The following UTRN variants were observed in gnomAD, a reference collection of about 807,000 sequenced individuals.
UTRN encodes dystrophin-related protein 1.
A neutral mutation model predicts 463.9 loss-of-function variants in UTRN; 283 were observed. That is an observed-to-expected ratio of 0.61 (90% CI 0.55 to 0.67). The LOEUF (loss-of-function observed/expected upper bound fraction) is 0.67, where lower values mean the gene tolerates loss of function less well. Among genes scored for constraint, UTRN ranks in the 30% least tolerant of loss-of-function variants. The pLI, the probability that UTRN is intolerant of heterozygous loss-of-function variation, is 0.00. For synonymous variants in UTRN, 1,442 were observed against 1,431.5 expected (o/e 1.01, Z -0.17); for missense variants, 3,922 against 4,084.3 (o/e 0.96, Z 1.08).
At chr6:144,848,941 G>C (rs1483795973) in intron 74 of UTRN, among the ~76,000 whole-genome samples, 1 of 152,068 alleles carries the variant, frequency 6.6e-6, no homozygotes, top group Non-Finnish European at 1.5e-5. Flanking sequence ...AGAGGAGAAA[G>C]AAGATACCCC....
intron 2 of UTRN, among the ~76,000 whole-genome samples, chr6:144,297,098 A>G (rs1804789646): frequency 6.6e-6 from 1 of 152,130 alleles, no homozygotes; most frequent in South Asian, 2.1e-4. Context: ...GTTAAAAAAA[A>G]AAAAGGTAGT....
chr6:144,440,461 A>T lies in UTRN; in HGVS notation c.1502A>T (p.Asp501Val). 6 of 1,614,160 alleles carry T rather than the reference A, an allele frequency of 3.7e-6. No individual in the cohort carries two copies. Among genetic ancestry groups the T allele is most frequent in the Non-Finnish European group, 5.1e-6 (6 of 1,180,022 alleles). The change falls in exon 13 of 75, where the codon GAC becomes GTC. Residue 501 changes from aspartate to valine, a missense_variant. Physicochemically the swap from Asp to Val is radical, Grantham distance 152 (BLOSUM62 -3). Transcript: ENST00000367545. ...GAGAGTGCTACAGCTATCCTAGAAGACCAGTTACAGGTAAGAGTGCTGTAA... is the reference window on the plus strand; with the variant it reads ...GAGAGTGCTACAGCTATCCTAGAAGTCCAGTTACAGGTAAGAGTGCTGTAA... ...SGESATAILE[D>V]QLQKLGERWT...
chr6:144,542,374 G>A (rs1798052654), intron 45 of UTRN, among the ~76,000 whole-genome samples: 2 of 152,114 alleles, frequency 1.3e-5, no homozygotes, highest in Non-Finnish European at 2.9e-5. Context: ...CAGGACTCAG[G>A]GAGAGCCCAG....
At chr6:144,504,594 C>G (rs1037824927) in intron 34 of UTRN, among the ~76,000 whole-genome samples, 1 of 152,164 alleles carries the variant, frequency 6.6e-6, no homozygotes, top group Non-Finnish European at 1.5e-5. Flanking sequence ...AGCCTTGCAT[C>G]CCAGAGATGA....
At chr6:144,763,999 GT>G (rs973351409) in intron 58 of UTRN, among the ~76,000 whole-genome samples, 4 of 152,100 alleles carry the variant, frequency 2.6e-5, no homozygotes, top group African/African-American at 9.7e-5. Context: ...TGTGGTTTTG[GT>G]TTTAATGATA....
chr6:144,676,711 A>G (rs951038234), intron 51 of UTRN, among the ~76,000 whole-genome samples: 2 of 151,958 alleles, frequency 1.3e-5, no homozygotes, highest in African/African-American at 4.8e-5. Flanking sequence ...GTGTGTGATG[A>G]AACCGTTGTT....
intron 3 of UTRN, among the ~76,000 whole-genome samples, chr6:144,409,742 T>C (rs181240818): frequency 1.4e-4 from 22 of 152,228 alleles, no homozygotes; most frequent in Admixed American, 3.9e-4. Context: ...CCACCAGCCA[T>C]GAGGGGAGTC....
intron 51 of UTRN, among the ~76,000 whole-genome samples, chr6:144,613,519 C>G (rs1039175947): frequency 2.0e-5 from 3 of 151,850 alleles, no homozygotes; most frequent in African/African-American, 7.3e-5. Context: ...AAAACAAAAA[C>G]AAAAACACTA....
intron 9 of UTRN, among the ~76,000 whole-genome samples, chr6:144,430,683 C>G (rs1289289223): frequency 2.6e-5 from 4 of 152,096 alleles, no homozygotes; most frequent in Admixed American, 1.3e-4. Context: ...AATAAACACT[C>G]AACAAGCAAC....
chr6:144,453,084 C>T (rs942799258), intron 18 of UTRN, among the ~76,000 whole-genome samples: 1 of 151,974 alleles, frequency 6.6e-6, no homozygotes, highest in African/African-American at 2.4e-5. Flanking sequence ...ATAACCCAAA[C>T]AAATAATACT....
intron 53 of UTRN, among the ~76,000 whole-genome samples, chr6:144,726,762 C>T (rs532746071): frequency 6.6e-6 from 1 of 152,220 alleles, no homozygotes; most frequent in African/African-American, 2.4e-5. Context: ...ATGAGGGAAT[C>T]TGTGATATGG....
chr6:144,673,146 C>T (rs1030039336), intron 51 of UTRN, among the ~76,000 whole-genome samples: 1 of 152,062 alleles, frequency 6.6e-6, no homozygotes, highest in Non-Finnish European at 1.5e-5. Context: ...AATGTATATT[C>T]TGCAGTTGTT....
intron 2 of UTRN, chr6:144,333,177 G>A (rs1032153418): frequency 7.9e-5 from 12 of 152,094 alleles, no homozygotes; most frequent in African/African-American, 2.7e-4. Flanking sequence ...CTGACCTCAG[G>A]TGATCCACCC....
At chr6:144,753,366 A>T (rs1791606060) in intron 56 of UTRN, among the ~76,000 whole-genome samples, 1 of 152,162 alleles carries the variant, frequency 6.6e-6, no homozygotes, top group Admixed American at 6.5e-5. Context: ...TGTAATCCCA[A>T]CATTTTGTGA....
chr6:144,783,073 G>A (rs1202210350), intron 61 of UTRN, among the ~76,000 whole-genome samples: 3 of 151,936 alleles, frequency 2.0e-5, no homozygotes, highest in African/African-American at 7.3e-5. Flanking sequence ...GCAGGTGCCT[G>A]TAATCTCAGC....
intron 51 of UTRN, among the ~76,000 whole-genome samples, chr6:144,668,445 A>T (rs917120867): frequency 2.6e-5 from 4 of 152,232 alleles, no homozygotes; most frequent in Admixed American, 6.5e-5. Flanking sequence ...ATTTATTTAT[A>T]ACAAGAGAAA....
intron 41 of UTRN, 129 bp from the exon 42 acceptor site, chr6:144,530,923 A>G (rs1026971595): frequency 9.5e-7 from 1 of 1,054,980 alleles, no homozygotes; most frequent in Non-Finnish European, 1.3e-6. Context: ...TTGTGGAGCA[A>G]TAGGCTGTGA....
At chr6:144,454,059 G>T (rs1788583455) in intron 19 of UTRN, among the ~76,000 whole-genome samples, 190 bp downstream of exon 19, 1 of 152,128 alleles carries the variant, frequency 6.6e-6, no homozygotes, top group Non-Finnish European at 1.5e-5. Context: ...TTGTAAAAAA[G>T]CAGATAAAAG....
intron 4 of UTRN, among the ~76,000 whole-genome samples, chr6:144,422,832 G>T (rs1314819321): frequency 6.6e-6 from 1 of 152,180 alleles, no homozygotes; most frequent in Non-Finnish European, 1.5e-5. Context: ...ACAGAGAGAT[G>T]CACTCCTGAA....
Sources: allele counts gnomAD v4.1 joint callset (sites outside exome capture counted in the v4.1 genomes callset), GRCh38; gene constraint gnomAD v4.1.1; transcripts MANE v1.5; gene names NCBI Gene and HGNC (gene_info 2026-07-23, HGNC 2026-07-21).